KIAA0319L: variants seen among roughly 807,000 people sequenced by gnomAD.
KIAA0319L encodes KIAA0319 like, also known as dyslexia-associated protein KIAA0319-like protein.
In KIAA0319L, 55 loss-of-function variants were observed where a neutral mutation model predicts 120.1. The ratio of observed to expected loss-of-function variants is 0.46; its 90% confidence interval spans 0.37 to 0.57. The LOEUF (loss-of-function observed/expected upper bound fraction) is 0.57, where lower values mean the gene tolerates loss of function less well. Among genes scored for constraint, KIAA0319L ranks in the 20% least tolerant of loss-of-function variants. KIAA0319L has a pLI of 0.00. For synonymous variants in KIAA0319L, 398 were observed against 471.9 expected (o/e 0.84, Z 2.03); for missense variants, 1,049 against 1,255.3 (o/e 0.84, Z 2.48).
At chr1:35,467,972 A>T (rs1385479400) in intron 6 of KIAA0319L, among the ~76,000 whole-genome samples, 1 of 152,156 alleles carries the variant, frequency 6.6e-6, no homozygotes, top group Non-Finnish European at 1.5e-5. Flanking sequence ...TACAGGCTTG[A>T]GCCACTGCAC....
At chr1:35,517,341 CA>C (rs1443401753) in intron 2 of KIAA0319L, among the ~76,000 whole-genome samples, 1 of 152,070 alleles carries the variant, frequency 6.6e-6, no homozygotes, top group African/African-American at 2.4e-5. Context: ...ACCAAAACAG[CA>C]TGGTAATGGT....
At chr1:35,465,716 T>A (rs1643210832) in intron 7 of KIAA0319L, among the ~76,000 whole-genome samples, 1 of 152,178 alleles carries the variant, frequency 6.6e-6, no homozygotes, top group Non-Finnish European at 1.5e-5. Flanking sequence ...AATCTCATCT[T>A]GAATTGTAAC....
In KIAA0319L at chr1:35,508,349, G is replaced by A. The variant is rs1409209839; in HGVS notation, c.143-1214C>T. Among the ~76,000 whole-genome samples, 5 of 152,304 alleles carry A rather than the reference G, an allele frequency of 3.3e-5. No homozygotes were observed. The East Asian group carries it at 9.6e-4, about 29-fold the overall frequency. ...AAACACTGAAGATATGGATAATCATGTCTGCATGTACACACAACTGAAAAG... is the reference window on the plus strand; with the variant it reads ...AAACACTGAAGATATGGATAATCATATCTGCATGTACACACAACTGAAAAG... On this transcript the variant is annotated intron_variant, in intron 2 of 20. Transcript: ENST00000325722.
intron 3 of KIAA0319L, among the ~76,000 whole-genome samples, chr1:35,490,793 T>C (rs887532344): frequency 1.3e-5 from 2 of 152,152 alleles, no homozygotes; most frequent in Admixed American, 6.5e-5. Flanking sequence ...GGAAGGGACA[T>C]AGTAGGAGGT....
intron 2 of KIAA0319L, among the ~76,000 whole-genome samples, chr1:35,539,126 C>CGTACACCGGG (rs1646696396): frequency 6.6e-6 from 1 of 152,136 alleles, no homozygotes; most frequent in Non-Finnish European, 1.5e-5. Flanking sequence ...GGAAACATAT[C>CGTACACCGGG]GTACACATAC....
intron 7 of KIAA0319L, among the ~76,000 whole-genome samples, chr1:35,466,403 T>C (rs1040346704): frequency 9.2e-5 from 14 of 152,352 alleles, no homozygotes; most frequent in Non-Finnish European, 2.1e-4. Flanking sequence ...CTGTGGGCCA[T>C]GTGTCCAGCT....
intron 2 of KIAA0319L, among the ~76,000 whole-genome samples, chr1:35,546,297 T>G (rs1176434893): frequency 5.3e-5 from 8 of 152,118 alleles, no homozygotes; most frequent in African/African-American, 1.7e-4. Context: ...CAAAGCATGG[T>G]GTAACTTAAG....
chr1:35,486,376 GAAAAAAAAAA>G (rs899924972), intron 3 of KIAA0319L, among the ~76,000 whole-genome samples: 8 of 52,146 alleles, frequency 1.5e-4, no homozygotes, highest in African/African-American at 4.6e-4. Context: ...CCTGTCTCAA[GAAAAAAAAAA>G]AAAAAAAAAA....
chr1:35,436,403 G>T (rs1454909346), intron 20 of KIAA0319L, among the ~76,000 whole-genome samples: 1 of 152,198 alleles, frequency 6.6e-6, no homozygotes, highest in African/African-American at 2.4e-5. Context: ...CTCTCCTACT[G>T]AGTCTTCGGG....
rs139539582 is a variant in KIAA0319L at position 35,434,831 on chromosome 1, G to A, written c.*63C>T. On this transcript the variant is annotated 3_prime_UTR_variant, in exon 21 of 21. Transcript: ENST00000325722. Reference sequence around the variant, plus strand: ...TGGGACAGCAGCTGCCCGCAGACTCGGGAGGTAGGAGGACTGGCCGGGCAG... The same window carrying A: ...TGGGACAGCAGCTGCCCGCAGACTCAGGAGGTAGGAGGACTGGCCGGGCAG... 1.9e-3 allele frequency: 2,759 copies of A among 1,439,752 alleles called. 7 individuals carry two copies. Among genetic ancestry groups the A allele is most frequent in the Middle Eastern group, 2.0e-3 (8 of 3,948 alleles). The allele number at this position is 1,439,752 out of a possible 1,614,324, so 89.2% of individuals were successfully genotyped here.
intron 5 of KIAA0319L, among the ~76,000 whole-genome samples, chr1:35,474,085 T>C (rs547895051): frequency 6.6e-6 from 1 of 152,200 alleles, no homozygotes; most frequent in Admixed American, 6.5e-5. Context: ...TAGGCTTAGC[T>C]TTTTTTTCCC....
At position 35,481,861 on chromosome 1, in the gene KIAA0319L, G is replaced by A. The variant is rs557392300; in HGVS notation, c.667-2649C>T. The stretch of plus-strand genomic sequence containing the variant: ...TTTTTTTGAGATGGAGTCTTGCTCT[G>A]TCGCCCAGGCTGGAGTGCAGTGGCG... On this transcript the variant is annotated intron_variant, in intron 3 of 20. Transcript: ENST00000325722. Among the ~76,000 whole-genome samples the A allele has an allele frequency of 7.4e-5, 8 of 108,416 alleles. 2 individuals carry two copies. In the South Asian group the frequency reaches 2.6e-3, roughly 35 times the overall value. 71.1% of individuals were successfully genotyped at this position (108,416 alleles called of 152,430 possible). A position where few individuals can be genotyped will look rare whatever the true frequency, so the allele number is the denominator to read the frequency against.
chr1:35,514,913 T>C (rs966803461), intron 2 of KIAA0319L, among the ~76,000 whole-genome samples: 3 of 152,212 alleles, frequency 2.0e-5, no homozygotes, highest in African/African-American at 7.2e-5. Context: ...TACAGAACTC[T>C]TCAACCAAAA....
intron 20 of KIAA0319L, among the ~76,000 whole-genome samples, chr1:35,436,300 C>T (rs1040198292): frequency 1.3e-5 from 2 of 152,236 alleles, no homozygotes; most frequent in East Asian, 3.9e-4. Context: ...TGTCCATGTA[C>T]AGCTGTGCCT....
intron 2 of KIAA0319L, among the ~76,000 whole-genome samples, chr1:35,512,349 T>G (rs1274804535): frequency 1.6e-5 from 2 of 126,636 alleles, no homozygotes; most frequent in Non-Finnish European, 3.4e-5. Flanking sequence ...AAAAAATCAA[T>G]GATCTTTGCT....
At chr1:35,523,101 TC>T (rs999177157) in intron 2 of KIAA0319L, among the ~76,000 whole-genome samples, 27 of 151,514 alleles carry the variant, frequency 1.8e-4, no homozygotes, top group African/African-American at 6.5e-4. Context: ...ATTCCCTCCT[TC>T]CCTATGTTCC....
chr1:35,529,371 CTT>C (rs1252124673), intron 2 of KIAA0319L, among the ~76,000 whole-genome samples: 1 of 152,184 alleles, frequency 6.6e-6, no homozygotes, highest in Non-Finnish European at 1.5e-5. Context: ...AGTCCTTACT[CTT>C]TCTCATCTGT....
intron 9 of KIAA0319L, among the ~76,000 whole-genome samples, chr1:35,458,158 G>A (rs953857993): frequency 2.0e-5 from 3 of 152,020 alleles, no homozygotes; most frequent in African/African-American, 7.2e-5. Flanking sequence ...GGCTGGTCTC[G>A]ATCTCCTGAC....
chr1:35,496,741 T>A (rs552962171), intron 3 of KIAA0319L, among the ~76,000 whole-genome samples: 1 of 151,880 alleles, frequency 6.6e-6, no homozygotes, highest in African/African-American at 2.4e-5. Context: ...GTCAGGAGTT[T>A]GAGACCAGCC....
Sources: allele counts gnomAD v4.1 joint callset (sites outside exome capture counted in the v4.1 genomes callset), GRCh38; gene constraint gnomAD v4.1.1; transcripts MANE v1.5; gene names NCBI Gene and HGNC (gene_info 2026-07-23, HGNC 2026-07-21).